Variants in ANXA7 observed in about 807,000 individuals in gnomAD.
The protein encoded by ANXA7 is annexin A7.
A neutral mutation model predicts 64.9 loss-of-function variants in ANXA7; 55 were observed. That is an observed-to-expected ratio of 0.85 (90% CI 0.68 to 1.06). The LOEUF (loss-of-function observed/expected upper bound fraction) is 1.06, where lower values mean the gene tolerates loss of function less well. Among genes scored for constraint, ANXA7 ranks in the 50% least tolerant of loss-of-function variants. The probability of loss-of-function intolerance (pLI) is 0.00; values close to 1 mark genes in which losing one functional copy is unlikely to be tolerated. For missense variants in ANXA7, 548 were observed against 582.1 expected (o/e 0.94, Z 0.60); for synonymous variants, 200 against 192.4 (o/e 1.04, Z -0.33).
At chr10:73,389,187 C>A (rs1294462315) in intron 5 of ANXA7, among the ~76,000 whole-genome samples, 3 of 152,128 alleles carry the variant, frequency 2.0e-5, no homozygotes, top group African/African-American at 7.2e-5. Flanking sequence ...AAAGGCATGA[C>A]CTGGATTTAA....
intron 5 of ANXA7, among the ~76,000 whole-genome samples, chr10:73,391,726 A>AT (rs910372921): frequency 6.6e-6 from 1 of 151,968 alleles, no homozygotes; most frequent in Non-Finnish European, 1.5e-5. Flanking sequence ...TAAGACAAAA[A>AT]TTTTTTTTAC....
At chr10:73,392,913 T>A (rs1344475658) in intron 5 of ANXA7, among the ~76,000 whole-genome samples, 1 of 152,204 alleles carries the variant, frequency 6.6e-6, no homozygotes, top group Non-Finnish European at 1.5e-5. Flanking sequence ...AGTCAAATTG[T>A]TCCTGTTTGC....
At chr10:73,381,209 A>C (rs867008390) in intron 9 of ANXA7, among the ~76,000 whole-genome samples, 4 of 152,194 alleles carry the variant, frequency 2.6e-5, no homozygotes, top group South Asian at 4.1e-4. Context: ...CAGCCATCGA[A>C]TTATAATCTT....
Position 73,404,708 on chromosome 10 carries a change from C to CTATATATA in ANXA7, c.-1-3859_-1-3852dup, listed in dbSNP as rs59482006. Among the ~76,000 whole-genome samples, 565 of 143,878 alleles carry CTATATATA rather than the reference C, an allele frequency of 3.9e-3. 5 individuals carry two copies. Among genetic ancestry groups the CTATATATA allele is most frequent in the African/African-American group, 0.013 (531 of 40,256 alleles). The allele number at this position is 143,878 out of a possible 152,430, so 94.4% of individuals were successfully genotyped here. ...CTAGTGTGGATAAAGACAAATATCCCTATATATATATATATATATATCTTT... is the reference window on the plus strand; with the variant it reads ...CTAGTGTGGATAAAGACAAATATCCCTATATATATATATATATATATATATATATCTTT... On this transcript the variant is annotated intron_variant, in intron 1 of 12. Transcript: ENST00000372921.
At position 73,400,515 on chromosome 10, in the gene ANXA7, C is replaced by A. The variant is rs117637563; in HGVS notation, c.54+288G>T. ...AATTTTGAACCTTTGGGCAATTTCA[C>A]ATAGAACCCAAGTTTCTGGCTTTAC... On this transcript the variant is annotated intron_variant, in intron 2 of 12. Coordinates refer to ENST00000372921, the MANE Select transcript of ANXA7 (RefSeq NM_001156.5). 6.1e-3 allele frequency among the ~76,000 whole-genome samples: 933 copies of A among 152,286 alleles called. 6 individuals are homozygous for A. Among genetic ancestry groups the A allele is most frequent in the Non-Finnish European group, 9.8e-3 (669 of 68,018 alleles).
At chr10:73,397,479 A>G (rs1479098922) in intron 3 of ANXA7, among the ~76,000 whole-genome samples, 1 of 152,162 alleles carries the variant, frequency 6.6e-6, no homozygotes, top group Admixed American at 6.5e-5. Context: ...TTATTTTTTG[A>G]GACAGTCTCA....
chr10:73,406,226 G>A (rs1041867455), intron 1 of ANXA7, among the ~76,000 whole-genome samples: 1 of 152,190 alleles, frequency 6.6e-6, no homozygotes, highest in Non-Finnish European at 1.5e-5. Flanking sequence ...AAGGTGCTGG[G>A]ATCGCAGGCA....
At chr10:73,407,250 C>A (rs573289966) in intron 1 of ANXA7, among the ~76,000 whole-genome samples, 27 of 151,888 alleles carry the variant, frequency 1.8e-4, no homozygotes, top group Admixed American at 1.7e-3. Flanking sequence ...TTAATTTTTG[C>A]ATTTTTAATG....
intron 2 of ANXA7, among the ~76,000 whole-genome samples, 175 bp from the exon 3 acceptor site, chr10:73,398,560 G>C (rs1278565726): frequency 1.3e-5 from 2 of 151,918 alleles, no homozygotes; most frequent in Non-Finnish European, 2.9e-5. Context: ...AGTTTGTAAG[G>C]ACACTTGTTT....
intron 5 of ANXA7, among the ~76,000 whole-genome samples, chr10:73,391,099 C>T (rs974552043): frequency 2.7e-5 from 4 of 147,080 alleles, no homozygotes; most frequent in Non-Finnish European, 4.5e-5. Flanking sequence ...ACCCGGGAGG[C>T]GGAGGTTGCA....
intron 1 of ANXA7, among the ~76,000 whole-genome samples, chr10:73,406,917 C>T (rs750671657): frequency 1.1e-4 from 16 of 152,054 alleles, no homozygotes; most frequent in Admixed American, 3.3e-4. Flanking sequence ...TAACCCTCAA[C>T]GTGAAATCTC....
intron 1 of ANXA7, chr10:73,408,065 T>G (rs2055785715): frequency 6.5e-6 from 1 of 152,758 alleles, no homozygotes; most frequent in South Asian, 1.9e-4. Context: ...ACACCTATAA[T>G]CCCAAAACTC....
intron 1 of ANXA7, among the ~76,000 whole-genome samples, chr10:73,403,765 AG>A (rs1197548749): frequency 6.6e-6 from 1 of 152,238 alleles, no homozygotes; most frequent in East Asian, 1.9e-4. Flanking sequence ...CATTTTCACC[AG>A]CACTGCCAAC....
intron 9 of ANXA7, chr10:73,381,555 G>A (rs563894669): frequency 9.2e-5 from 14 of 152,232 alleles, no homozygotes; most frequent in Admixed American, 9.2e-4. Context: ...CTACATGGGC[G>A]ACTGAATATA....
chr10:73,410,518 C>T lies in ANXA7; in HGVS notation c.-2+3494G>A, dbSNP rs568485435. ...CAAAAAATGGGCCGGGCGCGGTAGC[C>T]CCCATCTGTAATCCCAGCACTTTGG... On this transcript the variant is annotated intron_variant, in intron 1 of 12. Coordinates refer to ENST00000372921, the MANE Select transcript of ANXA7 (RefSeq NM_001156.5). 1.6e-4 allele frequency among the ~76,000 whole-genome samples: 24 copies of T among 152,042 alleles called. No homozygotes were observed. In the South Asian group the frequency reaches 5.0e-3, roughly 32 times the overall value.
rs190676394 is a variant in ANXA7 at position 73,408,868 on chromosome 10, A to C, written c.-2+5144T>G. ...CATCCCAGGGATGCTGGAATGATTTAACATATGCAAGTCAATAAATGTGAT... is the reference window on the plus strand; with the variant it reads ...CATCCCAGGGATGCTGGAATGATTTCACATATGCAAGTCAATAAATGTGAT... On this transcript the variant is annotated intron_variant, in intron 1 of 12. Transcript: ENST00000372921. Among the ~76,000 whole-genome samples, 10 of 152,326 alleles carry C rather than the reference A, an allele frequency of 6.6e-5. No homozygotes were observed. In the East Asian group the frequency reaches 1.9e-3, roughly 29 times the overall value.
chr10:73,390,572 C>T (rs1405452487), intron 5 of ANXA7, among the ~76,000 whole-genome samples: 1 of 151,554 alleles, frequency 6.6e-6, no homozygotes, highest in Non-Finnish European at 1.5e-5. Context: ...TTTGATGTAA[C>T]CGCTGTCACT....
chr10:73,399,419 C>T (rs915118266), intron 2 of ANXA7, among the ~76,000 whole-genome samples: 11 of 152,244 alleles, frequency 7.2e-5, no homozygotes, highest in South Asian at 2.1e-4. Context: ...GATAAATTCA[C>T]GAGAGCTATA....
intron 1 of ANXA7, among the ~76,000 whole-genome samples, chr10:73,413,402 CTGCACCTTGGTTTCCT>C (rs1270346100): frequency 3.3e-5 from 5 of 152,216 alleles, no homozygotes; most frequent in Non-Finnish European, 7.3e-5. Flanking sequence ...CCATCTACCT[CTGCACCTTGGTTTCCT>C]TGCGCAGTGT....
Sources: gnomAD v4.1 joint callset for allele counts (sites outside exome capture counted in the v4.1 genomes callset) on GRCh38, gnomAD v4.1.1 for gene constraint, MANE v1.5 for transcripts, NCBI Gene and HGNC (gene_info 2026-07-23, HGNC 2026-07-21) for gene names.